Variants in ULBP3 observed in about 807,000 individuals in gnomAD.
The protein encoded by ULBP3 is UL16-binding protein 3.
A neutral mutation model predicts 24.9 loss-of-function variants in ULBP3; 25 were observed. That is an observed-to-expected ratio of 1.00 (90% CI 0.73 to 1.40). ULBP3 has a LOEUF of 1.40. ULBP3 is among the 40% of genes most tolerant of loss of function. The pLI is 0.00. For synonymous variants in ULBP3, 114 were observed against 114.7 expected, an observed-to-expected ratio of 0.99 and a Z score of 0.04; for missense variants, 306 against 307.5, an observed-to-expected ratio of 1.00 and a Z score of 0.04.
intron 1 of ULBP3, 65 bp from the exon 2 acceptor site, chr6:150,066,227 C>T: frequency 6.5e-7 from 1 of 1,538,044 alleles, no homozygotes; most frequent in Non-Finnish European, 8.8e-7. Flanking sequence ...AACACTGTGA[C>T]AGCAAGAGGG....
intron 1 of ULBP3, 35 bp downstream of exon 1, chr6:150,068,943 GC>G (rs1390890211): frequency 3.2e-6 from 5 of 1,559,680 alleles, no homozygotes; most frequent in East Asian, 2.3e-5. Flanking sequence ...CCCAGGTTTG[GC>G]CCCCGCCCCG....
At chr6:150,068,272 T>C (rs57242417) in intron 1 of ULBP3, among the ~76,000 whole-genome samples, 10,563 of 152,102 alleles carry the variant, frequency 0.069, 1,232 homozygotes, top group African/African-American at 0.24. Flanking sequence ...CCCCTCACAT[T>C]CATCACATCC....
At position 150,065,686 on chromosome 6, in the gene ULBP3, G is replaced by C. The variant is rs768073819; in HGVS notation, c.353-13C>G. Reference sequence around the variant, plus strand: ...AGCGTGAGGGGTCCTGCCCCAATCAGAAAGAGATCAGCCCTGGTGTTTACA... The same window carrying C: ...AGCGTGAGGGGTCCTGCCCCAATCACAAAGAGATCAGCCCTGGTGTTTACA... On this transcript the variant is annotated splice_polypyrimidine_tract_variant and intron_variant, in intron 2 of 4. Transcript: ENST00000367339. 1.2e-6 allele frequency: 2 copies of C among 1,613,702 alleles called. No individual in the cohort carries two copies. The highest frequency in any genetic ancestry group is 4.5e-5 in the East Asian group (2 of 44,876).
rs955112934 is a variant in ULBP3 at position 150,061,523 on chromosome 6, G to A, written c.*1851C>T. ...ATGCAGTATGTAGTTTTCTGTTCTT[G>A]CATTAGGTTGCTTAGGATAATAGCC... On this transcript the variant is annotated 3_prime_UTR_variant, in exon 5 of 5. Transcript: ENST00000367339. Among the ~76,000 whole-genome samples, 2 of 152,196 alleles carry A rather than the reference G, an allele frequency of 1.3e-5. No individual in the cohort carries two copies. The highest frequency in any genetic ancestry group is 4.8e-5 in the African/African-American group (2 of 41,456).
chr6:150,067,228 G>C (rs557553862), intron 1 of ULBP3, among the ~76,000 whole-genome samples: 13 of 152,282 alleles, frequency 8.5e-5, no homozygotes, highest in Admixed American at 3.9e-4. Context: ...TTTGAGAACT[G>C]AGCCACATCT....
At chr6:150,067,617 A>T (rs1374935851) in intron 1 of ULBP3, among the ~76,000 whole-genome samples, 4 of 152,166 alleles carry the variant, frequency 2.6e-5, no homozygotes, top group Admixed American at 2.0e-4. Flanking sequence ...TAATGTAGTA[A>T]CTATTATAGT....
intron 4 of ULBP3, 102 bp downstream of exon 4, chr6:150,064,483 G>A: frequency 9.4e-7 from 1 of 1,061,522 alleles, no homozygotes. Context: ...GAACGAGAAG[G>A]TCCCGGCCAT....
At chr6:150,063,738 C>T (rs1195538141) in intron 4 of ULBP3, among the ~76,000 whole-genome samples, 2 of 152,226 alleles carry the variant, frequency 1.3e-5, no homozygotes, top group African/African-American at 4.8e-5. Context: ...CTTTCTCCTT[C>T]GCTCTCAGCC....
At chr6:150,066,308 C>T (rs1308923184) in intron 1 of ULBP3, 146 bp from the exon 2 acceptor site, 74 of 909,414 alleles carry the variant, frequency 8.1e-5, no homozygotes, top group Non-Finnish European at 1.2e-4. Flanking sequence ...TGTGGAGGAA[C>T]CATGGGTCGC....
chr6:150,067,284 G>A (rs1359458887), intron 1 of ULBP3, among the ~76,000 whole-genome samples: 2 of 152,164 alleles, frequency 1.3e-5, no homozygotes, highest in Non-Finnish European at 2.9e-5. Flanking sequence ...AGCCCCTGGT[G>A]GGCTCCTTCA....
intron 1 of ULBP3, 42 bp downstream of exon 1, chr6:150,068,937 G>C (rs1776388324): frequency 2.6e-6 from 4 of 1,553,676 alleles, no homozygotes; most frequent in Non-Finnish European, 1.7e-6. Flanking sequence ...CAGCCCCCCA[G>C]GTTTGGCCCC....
chr6:150,067,648 C>T (rs541392407), intron 1 of ULBP3, among the ~76,000 whole-genome samples: 1 of 152,296 alleles, frequency 6.6e-6, no homozygotes, highest in Admixed American at 6.5e-5. Flanking sequence ...CATATGACCT[C>T]CCCTGTCACT....
At chr6:150,064,757 A>G in intron 3 of ULBP3, 44 bp from the exon 4 acceptor site, 1 of 1,598,912 alleles carries the variant, frequency 6.3e-7, no homozygotes, top group Non-Finnish European at 8.6e-7. Context: ...CCACGCTCCA[A>G]ATCTGAGGAG....
In ULBP3 at chr6:150,064,639, T is replaced by G. The variant is rs1323012079; in HGVS notation, c.703A>C (p.Ile235Leu). The G allele has an allele frequency of 1.2e-6, 2 of 1,613,898 alleles. No homozygotes were observed. The highest frequency in any genetic ancestry group is 1.7e-6 in the Non-Finnish European group (2 of 1,179,946). The part of the protein sequence containing the change: ...ATTLSPWSFL[I>L]ILCFILPGI ...CCAGGGAGGATGAAGCAGAGGATGATGAGGAAGCTCCAGGGACTGAGGGTG... is the reference window on the plus strand; with the variant it reads ...CCAGGGAGGATGAAGCAGAGGATGAGGAGGAAGCTCCAGGGACTGAGGGTG... The change falls in exon 4 of 5, where the codon ATC (isoleucine) becomes CTC (leucine). Residue 235 changes from isoleucine (I) to leucine (L), a missense_variant. Ile to Leu is a conservative substitution (Grantham distance 5). Coordinates refer to ENST00000367339, the MANE Select transcript of ULBP3 (RefSeq NM_024518.3).
chr6:150,065,271 TCACA>T (rs1174761614), intron 3 of ULBP3, 123 bp downstream of exon 3: 6 of 1,330,732 alleles, frequency 4.5e-6, no homozygotes. Flanking sequence ...ACACTCACAC[TCACA>T]CATACATAGA....
intron 1 of ULBP3, 96 bp from the exon 2 acceptor site, chr6:150,066,258 G>T: frequency 7.3e-7 from 1 of 1,372,582 alleles, no homozygotes; most frequent in Admixed American, 2.3e-5. Flanking sequence ...GGCTGGGCTG[G>T]CAGAGCATGG....
In ULBP3 at chr6:150,062,957, C is replaced by G. The variant is rs1325989405; in HGVS notation, c.*417G>C. ...CTCTACTAAAAATACAAAAAATTAG[C>G]CGGGCGCGGTGGCGGGTGCCTGTAG... is the stretch of plus-strand genomic sequence containing the variant. On this transcript the variant is annotated 3_prime_UTR_variant, in exon 5 of 5. Transcript: ENST00000367339. 6.6e-6 allele frequency among the ~76,000 whole-genome samples: 1 copy of G among 151,328 alleles called. No individual in the cohort carries two copies. Among genetic ancestry groups the G allele is most frequent in the Non-Finnish European group, 1.5e-5 (1 of 67,830 alleles).
chr6:150,067,110 C>T (rs982092268), intron 1 of ULBP3, among the ~76,000 whole-genome samples: 14 of 152,120 alleles, frequency 9.2e-5, no homozygotes, highest in African/African-American at 2.9e-4. Flanking sequence ...AGACTCCACC[C>T]GGATACTACT....
intron 1 of ULBP3, 133 bp downstream of exon 1, chr6:150,068,846 G>C: frequency 1.1e-6 from 1 of 948,506 alleles, no homozygotes; most frequent in Non-Finnish European, 1.5e-6. Flanking sequence ...CAGCGAATCG[G>C]AACTGAGCGT....
Sources: allele counts gnomAD v4.1 joint callset (sites outside exome capture counted in the v4.1 genomes callset), GRCh38; gene constraint gnomAD v4.1.1; transcripts MANE v1.5; gene names NCBI Gene and HGNC (gene_info 2026-07-23, HGNC 2026-07-21).